Variants in NAT10 observed in about 807,000 individuals in gnomAD.
NAT10 encodes N-acetyltransferase 10.
Under a neutral mutation model 132.2 loss-of-function variants are expected in NAT10, and 109 were observed. That is an observed-to-expected ratio of 0.82 (90% CI 0.71 to 0.97). NAT10 has a LOEUF of 0.97. Ranked by LOEUF, NAT10 falls within the 50% of genes least tolerant of loss-of-function variation. NAT10 has a pLI of 0.00. For missense variants in NAT10, 1,184 were observed against 1,263.4 expected, an observed-to-expected ratio of 0.94 and a Z score of 0.95; for synonymous variants, 479 against 478.0, an observed-to-expected ratio of 1.00 and a Z score of -0.03.
At chr11:34,132,830 G>A (rs1565115868) in intron 15 of NAT10, among the ~76,000 whole-genome samples, 196 bp from the exon 16 acceptor site, 3 of 152,192 alleles carry the variant, frequency 2.0e-5, no homozygotes, top group Non-Finnish European at 4.4e-5. Flanking sequence ...AGGCATTTGA[G>A]GCTAAGTTCC....
intron 4 of NAT10, among the ~76,000 whole-genome samples, chr11:34,112,512 AC>A (rs1851713357): frequency 6.6e-6 from 1 of 152,232 alleles, no homozygotes; most frequent in African/African-American, 2.4e-5. Flanking sequence ...AATGCCAGAG[AC>A]TTTGAGTGCC....
chr11:34,136,625 C>T lies in NAT10; in HGVS notation c.2029-17C>T. The T allele has an allele frequency of 6.2e-7, 1 of 1,614,134 alleles. No homozygotes were observed. Among genetic ancestry groups the T allele is most frequent in the Non-Finnish European group, 8.5e-7 (1 of 1,180,016 alleles). ...CTCTGCTGAATGGACTGTGTTCTCTCCTTGGCATCTTCCCAGGCTGTCAGC... is the reference window on the plus strand; with the variant it reads ...CTCTGCTGAATGGACTGTGTTCTCTTCTTGGCATCTTCCCAGGCTGTCAGC... On this transcript the variant is annotated splice_polypyrimidine_tract_variant and intron_variant, in intron 19 of 28. Transcript: ENST00000257829.
intron 27 of NAT10, among the ~76,000 whole-genome samples, chr11:34,142,665 T>C (rs1179131451): frequency 6.6e-6 from 1 of 152,200 alleles, no homozygotes. Context: ...GGTTACTTAC[T>C]CTATTTGGCT....
chr11:34,119,435 C>A (rs1851846251), intron 8 of NAT10, among the ~76,000 whole-genome samples: 1 of 152,220 alleles, frequency 6.6e-6, no homozygotes, highest in Non-Finnish European at 1.5e-5. Flanking sequence ...CTACATAGCT[C>A]TCTATGCAGC....
intron 12 of NAT10, among the ~76,000 whole-genome samples, chr11:34,128,775 C>T (rs563013662): frequency 6.6e-6 from 1 of 152,286 alleles, no homozygotes; most frequent in South Asian, 2.1e-4. Flanking sequence ...ACCGTGCTCA[C>T]CACAACCAAT....
At chr11:34,130,616 G>C (rs1852087097) in intron 12 of NAT10, among the ~76,000 whole-genome samples, 197 bp from the exon 13 acceptor site, 1 of 152,200 alleles carries the variant, frequency 6.6e-6, no homozygotes, top group Non-Finnish European at 1.5e-5. Flanking sequence ...GGCCTGGGTG[G>C]CCCCAAGCTC....
chr11:34,114,893 C>A (rs1851758497), intron 5 of NAT10, among the ~76,000 whole-genome samples: 2 of 152,218 alleles, frequency 1.3e-5, no homozygotes, highest in Non-Finnish European at 1.5e-5. Flanking sequence ...TGGCTCACGC[C>A]TGTAATCCTA....
In NAT10 at chr11:34,134,077, T is replaced by A. The variant is rs528288678; in HGVS notation, c.1735-242T>A. 3.3e-5 allele frequency among the ~76,000 whole-genome samples: 5 copies of A among 149,822 alleles called. No individual in the cohort carries two copies. In the South Asian group the frequency reaches 8.5e-4, roughly 25 times the overall value. On this transcript the variant is annotated intron_variant, in intron 16 of 28. Coordinates refer to ENST00000257829, the MANE Select transcript of NAT10 (RefSeq NM_024662.3). Reference sequence around the variant, plus strand: ...TACTCGGGAGGCTGAGGCAGGAAAATGGCATGAACCCAGGAGGCAGAGCTT... The same window carrying A: ...TACTCGGGAGGCTGAGGCAGGAAAAAGGCATGAACCCAGGAGGCAGAGCTT...
rs376535676 is a variant in NAT10 at position 34,139,237 on chromosome 11, C to T, written c.2258C>T (p.Thr753Ile). Residue 753 changes from threonine to isoleucine, a missense_variant, in exon 22 of 29, where the codon ACT (threonine) becomes ATT (isoleucine). Coordinates refer to ENST00000257829, the MANE Select transcript of NAT10 (RefSeq NM_024662.3). ...EHSCIMLKTL[T>I]DEDEADQGGW... The stretch of plus-strand genomic sequence containing the variant: ...TCGTGCATCATGCTGAAGACGCTCA[C>T]TGATGAGGATGAGGCTGACCAGGGA... 1.8e-5 allele frequency: 29 copies of T among 1,613,886 alleles called. No homozygotes were observed. In the African/African-American group the frequency reaches 2.4e-4, roughly 13 times the overall value.
chr11:34,128,296 G>C (rs1411016569), intron 12 of NAT10, among the ~76,000 whole-genome samples: 1 of 151,330 alleles, frequency 6.6e-6, no homozygotes, highest in Non-Finnish European at 1.5e-5. Flanking sequence ...GGAGGCTGCA[G>C]TGAGCCGAGA....
chr11:34,129,165 G>A lies in NAT10; in HGVS notation c.1244+1566G>A, dbSNP rs149537994. On this transcript the variant is annotated intron_variant, in intron 12 of 28. Coordinates refer to ENST00000257829, the MANE Select transcript of NAT10 (RefSeq NM_024662.3). ...AGTTCTCTTAGGGATACACCTAGGA[G>A]TGAAACTATTGGGCTAACTCTATGT... Among the ~76,000 whole-genome samples the A allele has an allele frequency of 9.2e-5, 14 of 152,344 alleles. No homozygotes were observed. In the East Asian group the frequency reaches 2.7e-3, roughly 29 times the overall value.
chr11:34,124,100 C>T (rs1851943143), intron 10 of NAT10, among the ~76,000 whole-genome samples: 1 of 151,794 alleles, frequency 6.6e-6, no homozygotes, highest in Non-Finnish European at 1.5e-5. Context: ...ACCCGGGAGG[C>T]GGAGGTTGCA....
At chr11:34,115,704 G>A in intron 5 of NAT10, 119 bp from the exon 6 acceptor site, 1 of 852,688 alleles carries the variant, frequency 1.2e-6, no homozygotes, top group Non-Finnish European at 1.9e-6. Context: ...GTGTGTGTGG[G>A]AGTGATTTTG....
At chr11:34,124,478 A>G in intron 11 of NAT10, 78 bp downstream of exon 11, 1 of 1,013,238 alleles carries the variant, frequency 9.9e-7, no homozygotes. Context: ...GTTTCCTGTT[A>G]TAGACATGTA....
Position 34,127,461 on chromosome 11 carries a change from A to T in NAT10, c.1108-2A>T. On this transcript the variant is annotated splice_acceptor_variant, in intron 11 of 28. Coordinates refer to ENST00000257829, the MANE Select transcript of NAT10 (RefSeq NM_024662.3). LOFTEE classifies it high-confidence loss of function. ...AATAATCTAAATTTTCCTTCCCCAT[A>T]GTATATACATCCTGCAGATGCTGTG... is the stretch of plus-strand genomic sequence containing the variant. The T allele has an allele frequency of 6.2e-7, 1 of 1,605,140 alleles. No individual in the cohort carries two copies. Among genetic ancestry groups the T allele is most frequent in the Non-Finnish European group, 8.5e-7 (1 of 1,173,706 alleles).
intron 3 of NAT10, among the ~76,000 whole-genome samples, chr11:34,109,749 C>T (rs1367890967): frequency 3.3e-5 from 5 of 152,336 alleles, no homozygotes; most frequent in Admixed American, 2.0e-4. Flanking sequence ...GCTCTGCTCA[C>T]GGGTGATCTA....
chr11:34,112,032 T>A lies in NAT10; in HGVS notation c.201-20T>A. ...CTCTGGTTAACTGGCTCTCATGGGATTGGGGGTGTGTGATTGCAGTCACCG... is the reference window on the plus strand; with the variant it reads ...CTCTGGTTAACTGGCTCTCATGGGAATGGGGGTGTGTGATTGCAGTCACCG... On this transcript the variant is annotated intron_variant, in intron 3 of 28. Transcript: ENST00000257829. 2.5e-6 allele frequency: 4 copies of A among 1,613,424 alleles called. No homozygotes were observed. Among genetic ancestry groups the A allele is most frequent in the Non-Finnish European group, 3.4e-6 (4 of 1,179,560 alleles).
At chr11:34,142,092 A>T in intron 26 of NAT10, 183 bp from the exon 27 acceptor site, 1 of 646,066 alleles carries the variant, frequency 1.5e-6, no homozygotes, top group South Asian at 2.0e-5. Flanking sequence ...GACTTCTTAA[A>T]TGCATAGTTT....
At chr11:34,126,305 T>C (rs1335513877) in intron 11 of NAT10, among the ~76,000 whole-genome samples, 1 of 152,208 alleles carries the variant, frequency 6.6e-6, no homozygotes, top group African/African-American at 2.4e-5. Flanking sequence ...TACTGGTGTG[T>C]GTCCTTTCAG....
Sources: gnomAD v4.1 joint callset for allele counts (sites outside exome capture counted in the v4.1 genomes callset) on GRCh38, gnomAD v4.1.1 for gene constraint, MANE v1.5 for transcripts, NCBI Gene and HGNC (gene_info 2026-07-23, HGNC 2026-07-21) for gene names.